Variants in SNX29 observed in about 807,000 individuals in gnomAD.
SNX29 encodes sorting nexin 29.
In SNX29, 78 loss-of-function variants were observed where a neutral mutation model predicts 102.1. The observed-to-expected ratio is 0.76, with a 90% CI of 0.64 to 0.92. The LOEUF (loss-of-function observed/expected upper bound fraction) is 0.92, where lower values mean the gene tolerates loss of function less well. SNX29 is among the 40% of genes least tolerant of loss of function. The probability of loss-of-function intolerance (pLI) is 0.00; values close to 1 mark genes in which losing one functional copy is unlikely to be tolerated. For missense variants in SNX29, 1,280 were observed against 1,061.7 expected, an observed-to-expected ratio of 1.21 and a Z score of -2.86; for synonymous variants, 580 against 414.5, an observed-to-expected ratio of 1.40 and a Z score of -4.85.
chr16:12,475,217 C>A (rs762185279), intron 18 of SNX29, among the ~76,000 whole-genome samples: 3 of 152,154 alleles, frequency 2.0e-5, no homozygotes, highest in Admixed American at 2.0e-4. Flanking sequence ...ATTGCCCACT[C>A]GTCAGAATCA....
chr16:12,503,664 C>G (rs1487876958), intron 19 of SNX29, among the ~76,000 whole-genome samples: 1 of 152,134 alleles, frequency 6.6e-6, no homozygotes, highest in Non-Finnish European at 1.5e-5. Context: ...AACGGGGTCT[C>G]CTCTTCCTTC....
intron 15 of SNX29, among the ~76,000 whole-genome samples, chr16:12,320,408 G>C (rs1347602385): frequency 6.6e-6 from 1 of 152,118 alleles, no homozygotes; most frequent in Admixed American, 6.5e-5. Flanking sequence ...TGCGTAGCAG[G>C]TATTTATTTT....
At chr16:12,545,162 C>T (rs1046812962) in intron 20 of SNX29, among the ~76,000 whole-genome samples, 19 of 152,182 alleles carry the variant, frequency 1.2e-4, no homozygotes, top group African/African-American at 4.6e-4. Context: ...AGACACTCTG[C>T]CAGCCGTCAG....
chr16:12,186,030 GT>G (rs1243285495), intron 13 of SNX29, among the ~76,000 whole-genome samples: 1 of 152,180 alleles, frequency 6.6e-6, no homozygotes, highest in Non-Finnish European at 1.5e-5. Flanking sequence ...ATAATAGTAG[GT>G]GGGTCTTGTT....
chr16:12,168,628 C>G (rs2076072208), intron 13 of SNX29, among the ~76,000 whole-genome samples: 1 of 152,170 alleles, frequency 6.6e-6, no homozygotes, highest in Non-Finnish European at 1.5e-5. Flanking sequence ...GTTTCTGGAG[C>G]CAGCCTACTG....
intron 20 of SNX29, among the ~76,000 whole-genome samples, chr16:12,533,068 C>G (rs1035160503): frequency 2.0e-5 from 3 of 152,216 alleles, no homozygotes; most frequent in African/African-American, 7.2e-5. Flanking sequence ...GGTGCCTTTG[C>G]AAGCCACAGC....
chr16:12,329,350 T>A (rs886977418), intron 15 of SNX29, among the ~76,000 whole-genome samples: 2 of 150,888 alleles, frequency 1.3e-5, no homozygotes, highest in African/African-American at 2.4e-5. Context: ...TTAGCAACTG[T>A]AGGCAAAGAC....
At chr16:12,062,273 C>T (rs1476937030) in intron 9 of SNX29, among the ~76,000 whole-genome samples, 4 of 151,154 alleles carry the variant, frequency 2.6e-5, no homozygotes, top group East Asian at 1.9e-4. Flanking sequence ...CAGCTACTCA[C>T]GAGGCTGAGG....
rs141143298 is a variant in SNX29, at chr16:12,245,235, C to T, written c.1679-32698C>T. On this transcript the variant is annotated intron_variant, in intron 14 of 20. Transcript: ENST00000566228. The stretch of plus-strand genomic sequence containing the variant: ...CATTGCTCCCTATGAGCTGTGTGAC[C>T]TCAGCTGAGTTATTTAACATCCCCC... Among the ~76,000 whole-genome samples the T allele has an allele frequency of 3.7e-3, 557 of 152,190 alleles. 4 individuals are homozygous for T. The highest frequency in any genetic ancestry group is 0.013 in the African/African-American group (530 of 41,512).
At chr16:12,055,774 A>G (rs1450469319) in intron 8 of SNX29, among the ~76,000 whole-genome samples, 1 of 152,234 alleles carries the variant, frequency 6.6e-6, no homozygotes, top group South Asian at 2.1e-4. Flanking sequence ...GAATCTACTG[A>G]TTTAAATGTT....
intron 15 of SNX29, among the ~76,000 whole-genome samples, chr16:12,291,658 T>C (rs1049231944): frequency 4.6e-5 from 7 of 152,236 alleles, no homozygotes; most frequent in African/African-American, 1.7e-4. Flanking sequence ...TTATGTTTAC[T>C]CTGTAGAGTT....
At chr16:12,191,450 G>A (rs929798314) in intron 13 of SNX29, among the ~76,000 whole-genome samples, 3 of 152,112 alleles carry the variant, frequency 2.0e-5, no homozygotes, top group African/African-American at 2.4e-5. Flanking sequence ...GCCTGCAGCC[G>A]TCTAAAAAGC....
At position 11,999,292 on chromosome 16, in the gene SNX29, T is replaced by C; in HGVS notation, c.8-5T>C. Reference sequence around the variant, plus strand: ...GAGAACTAATTAAGCCTCATTGCATTTTAGGATCACAGAACAATGACAAAA... The same window carrying C: ...GAGAACTAATTAAGCCTCATTGCATCTTAGGATCACAGAACAATGACAAAA... On this transcript the variant is annotated splice_polypyrimidine_tract_variant and splice_region_variant and intron_variant, in intron 1 of 20. Coordinates refer to ENST00000566228, the MANE Select transcript of SNX29 (RefSeq NM_032167.5). 6.2e-7 allele frequency: 1 copy of C among 1,613,988 alleles called. No individual in the cohort carries two copies. Among genetic ancestry groups the C allele is most frequent in the Non-Finnish European group, 8.5e-7 (1 of 1,179,918 alleles).
At chr16:12,558,124 A>C (rs1327616476) in intron 20 of SNX29, among the ~76,000 whole-genome samples, 1 of 152,244 alleles carries the variant, frequency 6.6e-6, no homozygotes, top group African/African-American at 2.4e-5. Flanking sequence ...GAAGACCAGC[A>C]GCATTCAGGG....
intron 15 of SNX29, among the ~76,000 whole-genome samples, chr16:12,280,531 G>GT (rs5815678): frequency 0.038 from 5,721 of 151,974 alleles, 344 homozygotes; most frequent in African/African-American, 0.13. Context: ...CTTCTTGTTT[G>GT]TTTTTTTTAT....
chr16:12,224,945 G>A (rs1368559982), intron 14 of SNX29, among the ~76,000 whole-genome samples: 1 of 152,192 alleles, frequency 6.6e-6, no homozygotes, highest in Non-Finnish European at 1.5e-5. Context: ...ATCAAAGGGT[G>A]AAGACTCTTG....
At chr16:12,248,902 G>T (rs980547726) in intron 14 of SNX29, among the ~76,000 whole-genome samples, 1 of 152,126 alleles carries the variant, frequency 6.6e-6, no homozygotes, top group Non-Finnish European at 1.5e-5. Flanking sequence ...ATTCTCTGCC[G>T]AGTCTTAGTG....
chr16:12,125,129 C>T (rs2054149697), intron 11 of SNX29, among the ~76,000 whole-genome samples: 1 of 152,092 alleles, frequency 6.6e-6, no homozygotes, highest in Admixed American at 6.6e-5. Context: ...GGAAATCACC[C>T]CGATGTTACC....
rs376022268 is a variant in SNX29 at position 12,243,345 on chromosome 16, C to G, written c.1679-34588C>G. On this transcript the variant is annotated intron_variant, in intron 14 of 20. Coordinates refer to ENST00000566228, the MANE Select transcript of SNX29 (RefSeq NM_032167.5). The stretch of plus-strand genomic sequence containing the variant: ...GTCTGGCCCTCGCTGATCTCTGAAC[C>G]TGTGCCACTTTTGTTCTGCTGCCCT... Among the ~76,000 whole-genome samples the G allele has an allele frequency of 3.3e-5, 5 of 152,382 alleles. No individual in the cohort carries two copies. The South Asian group carries it at 1.0e-3, about 32-fold the overall frequency.
Sources: allele counts gnomAD v4.1 joint callset (sites outside exome capture counted in the v4.1 genomes callset), GRCh38; gene constraint gnomAD v4.1.1; transcripts MANE v1.5; gene names NCBI Gene and HGNC (gene_info 2026-07-23, HGNC 2026-07-21).